Variants in ATXN8OS observed in about 807,000 individuals in gnomAD.
ATXN8OS encodes the protein ATXN8 opposite strand lncRNA.
At chr13:70,148,823 A>G (rs957967678) in intron 4 of ATXN8OS, among the ~76,000 whole-genome samples, 1 of 152,078 alleles carries the variant, frequency 6.6e-6, no homozygotes, top group Admixed American at 6.6e-5. Flanking sequence ...TTAAGGGCCA[A>G]TATAATATTT....
intron 3 of ATXN8OS, among the ~76,000 whole-genome samples, chr13:70,142,322 G>A: frequency 6.6e-6 from 1 of 152,156 alleles, no homozygotes; most frequent in Non-Finnish European, 1.5e-5. Context: ...TTAGGCTAAA[G>A]CTTTTCTTCC....
chr13:70,116,508 G>C (rs1162483612), intron 2 of ATXN8OS, among the ~76,000 whole-genome samples: 1 of 152,150 alleles, frequency 6.6e-6, no homozygotes, highest in Non-Finnish European at 1.5e-5. Context: ...GGGGTAATAA[G>C]TACTAGAAGC....
chr13:70,127,804 T>C (rs1400568423), intron 2 of ATXN8OS, among the ~76,000 whole-genome samples: 1 of 152,028 alleles, frequency 6.6e-6, no homozygotes, highest in Non-Finnish European at 1.5e-5. Context: ...ATTTCAGTTT[T>C]CAGAATTATC....
At chr13:70,120,302 CTACTA>C (rs1888339855) in intron 2 of ATXN8OS, among the ~76,000 whole-genome samples, 1 of 152,058 alleles carries the variant, frequency 6.6e-6, no homozygotes, top group African/African-American at 2.4e-5. Context: ...TTCAGGAGAA[CTACTA>C]TACAAAAAAT....
At chr13:70,142,139 C>A (rs1888726522) in intron 3 of ATXN8OS, among the ~76,000 whole-genome samples, 1 of 152,164 alleles carries the variant, frequency 6.6e-6, no homozygotes, top group African/African-American at 2.4e-5. Flanking sequence ...CTGCCTCGGC[C>A]TCCCAAAGTG....
chr13:70,150,993 T>G (rs900667329), intron 4 of ATXN8OS, among the ~76,000 whole-genome samples: 17 of 152,156 alleles, frequency 1.1e-4, no homozygotes, highest in South Asian at 6.2e-4. Context: ...GTGTGATTGA[T>G]ACTCAAAAAT....
intron 1 of ATXN8OS, among the ~76,000 whole-genome samples, chr13:70,111,578 C>A (rs983074101): frequency 2.0e-5 from 3 of 150,530 alleles, no homozygotes; most frequent in Admixed American, 1.3e-4. Context: ...CTCCTAAATG[C>A]CCCCCTCTCA....
intron 3 of ATXN8OS, among the ~76,000 whole-genome samples, chr13:70,141,106 T>C (rs1204369340): frequency 2.6e-5 from 4 of 152,198 alleles, no homozygotes; most frequent in African/African-American, 9.6e-5. Context: ...CTGTATTTTC[T>C]TGCTGTACAT....
intron 2 of ATXN8OS, chr13:70,129,670 G>A: frequency 2.5e-6 from 1 of 396,130 alleles, no homozygotes; most frequent in South Asian, 1.4e-4. Context: ...AGTTCATTTA[G>A]AAATGTTCTT....
chr13:70,121,214 C>G (rs892897156), intron 2 of ATXN8OS, among the ~76,000 whole-genome samples: 7 of 151,860 alleles, frequency 4.6e-5, no homozygotes, highest in Non-Finnish European at 7.4e-5. Context: ...AAATGATCAA[C>G]ATAAGAGCAG....
chr13:70,156,402 C>T lies in ATXN8OS; in HGVS notation n.573+8974C>T, dbSNP rs187949601. On this transcript the variant is annotated intron_variant and non_coding_transcript_variant, in intron 4 of 4. Coordinates refer to ENST00000678624, the Ensembl canonical transcript of ATXN8OS. ...ATCTACCACTAAAATGTTTCATACACTATAATCATTTTACTTTTATTCCAT... is the reference window on the plus strand; with the variant it reads ...ATCTACCACTAAAATGTTTCATACATTATAATCATTTTACTTTTATTCCAT... Among the ~76,000 whole-genome samples, 77 of 152,138 alleles carry T rather than the reference C, an allele frequency of 5.1e-4. 1 individual carries two copies. The East Asian group carries it at 0.014, about 27-fold the overall frequency.
At chr13:70,110,200 G>A (rs1888178683) in intron 1 of ATXN8OS, among the ~76,000 whole-genome samples, 1 of 152,044 alleles carries the variant, frequency 6.6e-6, no homozygotes, top group Admixed American at 6.6e-5. Context: ...GGTGAATAAA[G>A]CCTATTTGTT....
rs148090550 is a variant in ATXN8OS at position 70,155,425 on chromosome 13, A to T, written n.573+7997A>T. Among the ~76,000 whole-genome samples the T allele has an allele frequency of 2.6e-3, 402 of 152,240 alleles. 2 individuals are homozygous for T. The highest frequency in any genetic ancestry group is 9.2e-3 in the African/African-American group (382 of 41,558). On this transcript the variant is annotated intron_variant and non_coding_transcript_variant, in intron 4 of 4. Coordinates refer to ENST00000678624, the Ensembl canonical transcript of ATXN8OS. ...AATATATAGGACATAGAAACACACC[A>T]TCCTTGTGCTGCTGGTTTACATTCC...
chr13:70,107,811 T>C, exon 1 of ATXN8OS: 1 of 794,120 alleles, frequency 1.3e-6, no homozygotes, highest in South Asian at 1.9e-5. Context: ...ATGCGCCCTC[T>C]GCACCCCTAG....
At chr13:70,135,245 T>C (rs892533377) in intron 3 of ATXN8OS, among the ~76,000 whole-genome samples, 1 of 152,140 alleles carries the variant, frequency 6.6e-6, no homozygotes, top group African/African-American at 2.4e-5. Context: ...CCCTCCTTTT[T>C]TGGGCCCCTA....
intron 4 of ATXN8OS, among the ~76,000 whole-genome samples, chr13:70,153,828 T>C (rs1051434842): frequency 1.3e-5 from 2 of 152,006 alleles, no homozygotes. Context: ...CACAGGCACC[T>C]GCCACTACAC....
rs530873147 is a variant in ATXN8OS, at chr13:70,125,130, T to C, written n.399-4654T>C. ...TGAATTTTTAGGGTATACCTATCAA[T>C]TACCCTAATTTTTAAAAATCTTTTC... On this transcript the variant is annotated intron_variant and non_coding_transcript_variant, in intron 2 of 4. Coordinates refer to ENST00000678624, the Ensembl canonical transcript of ATXN8OS. 5.3e-5 allele frequency among the ~76,000 whole-genome samples: 8 copies of C among 152,254 alleles called. No individual in the cohort carries two copies. The South Asian group carries it at 1.7e-3, about 32-fold the overall frequency.
intron 3 of ATXN8OS, among the ~76,000 whole-genome samples, chr13:70,144,524 T>C (rs1224594472): frequency 2.0e-5 from 3 of 152,150 alleles, no homozygotes; most frequent in Non-Finnish European, 4.4e-5. Flanking sequence ...TCAATCAATG[T>C]TTTCAGTATG....
chr13:70,158,513 T>C (rs943026948), intron 4 of ATXN8OS, among the ~76,000 whole-genome samples: 4 of 152,186 alleles, frequency 2.6e-5, no homozygotes, highest in African/African-American at 7.2e-5. Flanking sequence ...TCGGTCCCTT[T>C]CAACAATATG....
Sources: gnomAD v4.1 joint callset for allele counts (sites outside exome capture counted in the v4.1 genomes callset) on GRCh38, gnomAD v4.1.1 for gene constraint, MANE v1.5 for transcripts, NCBI Gene and HGNC (gene_info 2026-07-23, HGNC 2026-07-21) for gene names.